Variants in FMN1 observed in about 807,000 individuals in gnomAD.
FMN1 encodes formin-1.
FMN1 carries 110 observed loss-of-function variants against 132.4 expected under a neutral mutation model. The observed-to-expected ratio is 0.83, with a 90% CI of 0.71 to 0.97. FMN1 has a LOEUF of 0.97. FMN1 is among the 50% of genes least tolerant of loss of function. The pLI is 0.00. For missense variants in FMN1, 1,792 were observed against 1,705.3 expected (o/e 1.05, Z -0.90); for synonymous variants, 722 against 651.7 (o/e 1.11, Z -1.64).
At chr15:32,819,808 A>C (rs1365184340) in intron 17 of FMN1, among the ~76,000 whole-genome samples, 1 of 152,202 alleles carries the variant, frequency 6.6e-6, no homozygotes, top group East Asian at 1.9e-4. Context: ...TCATGTATAG[A>C]AGCTCAGTGA....
chr15:32,819,804 A>G (rs1326317124), intron 17 of FMN1, among the ~76,000 whole-genome samples: 1 of 152,350 alleles, frequency 6.6e-6, no homozygotes, highest in East Asian at 1.9e-4. Flanking sequence ...ACAGTCATGT[A>G]TAGAAGCTCA....
At chr15:32,791,379 T>C (rs76492283) in intron 19 of FMN1, among the ~76,000 whole-genome samples, 2 of 138,820 alleles carry the variant, frequency 1.4e-5, no homozygotes, top group African/African-American at 5.3e-5. Context: ...TTTTTTTTTT[T>C]CCTTCAGGGC....
At chr15:32,916,579 T>C (rs1193768913) in intron 10 of FMN1, among the ~76,000 whole-genome samples, 2 of 152,202 alleles carry the variant, frequency 1.3e-5, no homozygotes, top group Non-Finnish European at 2.9e-5. Flanking sequence ...CTCACCAGGT[T>C]TCGGCTGACG....
chr15:32,817,225 C>T (rs144056653), intron 17 of FMN1, among the ~76,000 whole-genome samples: 27 of 152,284 alleles, frequency 1.8e-4, no homozygotes, highest in African/African-American at 6.3e-4. Context: ...ACTACCAGAA[C>T]GTCCTGTAAA....
chr15:32,872,113 G>C (rs1024128307), intron 16 of FMN1, among the ~76,000 whole-genome samples: 1 of 151,610 alleles, frequency 6.6e-6, no homozygotes, highest in Non-Finnish European at 1.5e-5. Context: ...GTCAGCACTA[G>C]CAAAGCTGTC....
At chr15:33,141,056 G>C (rs1013926997) in intron 4 of FMN1, among the ~76,000 whole-genome samples, 1 of 152,038 alleles carries the variant, frequency 6.6e-6, no homozygotes, top group Non-Finnish European at 1.5e-5. Flanking sequence ...AATGTTGGAT[G>C]CTAATTATCA....
chr15:32,888,310 C>G lies in FMN1; in HGVS notation c.3715-18G>C. ...CCAGCTTCCTAAGAGATATGGTAAA[C>G]AAAAGTACATTATACTTCCCAATTG... On this transcript the variant is annotated intron_variant, in intron 15 of 20. Transcript: ENST00000616417. 6.3e-7 allele frequency: 1 copy of G among 1,586,776 alleles called. No homozygotes were observed. Among genetic ancestry groups the G allele is most frequent in the Non-Finnish European group, 8.6e-7 (1 of 1,168,138 alleles).
intron 6 of FMN1, among the ~76,000 whole-genome samples, chr15:33,046,107 A>C (rs1056000393): frequency 5.9e-5 from 9 of 152,084 alleles, no homozygotes; most frequent in African/African-American, 2.2e-4. Flanking sequence ...ATCACATATA[A>C]ATATATATTA....
At chr15:33,023,884 A>T (rs1320522222) in intron 6 of FMN1, among the ~76,000 whole-genome samples, 2 of 152,228 alleles carry the variant, frequency 1.3e-5, no homozygotes, top group East Asian at 3.8e-4. Flanking sequence ...CATACTTCAA[A>T]ACCATTCACA....
chr15:32,990,438 G>T (rs559871221), intron 7 of FMN1, among the ~76,000 whole-genome samples: 1 of 152,294 alleles, frequency 6.6e-6, no homozygotes, highest in East Asian at 1.9e-4. Flanking sequence ...AGTAGCACAG[G>T]ACAATTACTT....
chr15:32,946,027 C>A (rs984503264), intron 9 of FMN1, among the ~76,000 whole-genome samples: 10 of 152,196 alleles, frequency 6.6e-5, no homozygotes, highest in Admixed American at 1.3e-4. Context: ...TTGCTTCCAA[C>A]AGGTTCACTG....
At chr15:32,876,313 C>A (rs1302839316) in intron 16 of FMN1, among the ~76,000 whole-genome samples, 2 of 152,012 alleles carry the variant, frequency 1.3e-5, no homozygotes, top group Admixed American at 1.3e-4. Flanking sequence ...ATGAAAGAAG[C>A]TAAAATATTG....
intron 16 of FMN1, among the ~76,000 whole-genome samples, chr15:32,876,710 A>G (rs1300131875): frequency 6.6e-6 from 1 of 152,244 alleles, no homozygotes; most frequent in African/African-American, 2.4e-5. Flanking sequence ...TTCTATGGTG[A>G]TATTTGCAAG....
intron 9 of FMN1, among the ~76,000 whole-genome samples, chr15:32,955,241 A>G (rs1371595734): frequency 6.6e-6 from 1 of 152,198 alleles, no homozygotes; most frequent in Non-Finnish European, 1.5e-5. Flanking sequence ...CTTGAATGAC[A>G]TCAAATAAAT....
At chr15:32,935,887 AAG>A (rs1332738330) in intron 9 of FMN1, among the ~76,000 whole-genome samples, 2 of 152,020 alleles carry the variant, frequency 1.3e-5, no homozygotes, top group East Asian at 3.9e-4. Context: ...CAGCCTCCCA[AAG>A]TGCTGGGATT....
At chr15:32,876,467 G>C (rs2059640223) in intron 16 of FMN1, among the ~76,000 whole-genome samples, 1 of 152,188 alleles carries the variant, frequency 6.6e-6, no homozygotes, top group South Asian at 2.1e-4. Context: ...CTAGCATTCA[G>C]TCAATCTAAA....
chr15:33,041,794 T>C (rs548976123), intron 6 of FMN1, among the ~76,000 whole-genome samples: 1 of 152,262 alleles, frequency 6.6e-6, no homozygotes, highest in African/African-American at 2.4e-5. Context: ...GTGGCAGTTG[T>C]TTAATGCACA....
chr15:32,828,487 T>A (rs1342710362), intron 17 of FMN1, among the ~76,000 whole-genome samples: 1 of 151,392 alleles, frequency 6.6e-6, no homozygotes, highest in African/African-American at 2.4e-5. Context: ...GATTTTGTAA[T>A]TCTTTATCAT....
At chr15:32,952,408 T>C (rs1211072438) in intron 9 of FMN1, among the ~76,000 whole-genome samples, 2 of 152,254 alleles carry the variant, frequency 1.3e-5, no homozygotes, top group East Asian at 1.9e-4. Flanking sequence ...CCTCATTTTA[T>C]ATAAATCTTT....
Sources: gnomAD v4.1 joint callset for allele counts (sites outside exome capture counted in the v4.1 genomes callset) on GRCh38, gnomAD v4.1.1 for gene constraint, MANE v1.5 for transcripts, NCBI Gene and HGNC (gene_info 2026-07-23, HGNC 2026-07-21) for gene names.